Variants in SLC39A12 observed in about 807,000 individuals in gnomAD.
SLC39A12 encodes the protein zinc transporter ZIP12.
In SLC39A12, 63 loss-of-function variants were observed where a neutral mutation model predicts 71.1. That is an observed-to-expected ratio of 0.89 (90% CI 0.72 to 1.09). The LOEUF (loss-of-function observed/expected upper bound fraction) is 1.09, where lower values mean the gene tolerates loss of function less well. SLC39A12 is among the 50% of genes least tolerant of loss of function. SLC39A12 has a pLI of 0.00. For missense variants in SLC39A12, 892 were observed against 812.6 expected, an observed-to-expected ratio of 1.10 and a Z score of -1.19; for synonymous variants, 351 against 301.3, an observed-to-expected ratio of 1.16 and a Z score of -1.71.
Position 18,003,357 on chromosome 10 carries a change from T to C in SLC39A12, c.1946T>C (p.Met649Thr), listed in dbSNP as rs376250873. 6.9e-6 allele frequency: 11 copies of C among 1,604,548 alleles called. No homozygotes were observed. In the African/African-American group the frequency reaches 1.3e-4, roughly 20 times the overall value. ...GMFLYLSLVE[M>T]LPEMTHVQTQ... ...TTCTTATATTTATCCTTGGTTGAAA[T>C]GGTAAGCTTGGTGGCTTTTCTATTT... Residue 649 changes from methionine to threonine, a missense_variant and splice_region_variant, in exon 12 of 13, where the codon ATG (methionine) becomes ACG (threonine). Coordinates refer to ENST00000377369, the MANE Select transcript of SLC39A12 (RefSeq NM_001145195.2).
In SLC39A12 at chr10:17,953,171, A is replaced by G; in HGVS notation, c.-86-20A>G. The G allele has an allele frequency of 2.9e-6, 4 of 1,399,604 alleles. No individual in the cohort carries two copies. The highest frequency in any genetic ancestry group is 1.4e-5 in the South Asian group (1 of 71,924). 86.7% of individuals were successfully genotyped at this position (1,399,604 alleles called of 1,614,324 possible). ...TGCAGGCACAATAATTGAAGGCTTT[A>G]TTTTTCCCCTTTACCACAGAAATTC... On this transcript the variant is annotated intron_variant, in intron 1 of 12. Coordinates refer to ENST00000377369, the MANE Select transcript of SLC39A12 (RefSeq NM_001145195.2).
chr10:17,959,569 C>T (rs1430394593), intron 2 of SLC39A12, among the ~76,000 whole-genome samples: 2 of 152,130 alleles, frequency 1.3e-5, no homozygotes, highest in East Asian at 3.9e-4. Context: ...ATATCCCCAC[C>T]ATGGGACAAA....
chr10:18,026,655 A>G (rs1258164951), intron 12 of SLC39A12, among the ~76,000 whole-genome samples: 1 of 151,954 alleles, frequency 6.6e-6, no homozygotes, highest in African/African-American at 2.4e-5. Context: ...CTAATATGTT[A>G]TGCCTTTTGT....
intron 12 of SLC39A12, among the ~76,000 whole-genome samples, chr10:18,009,075 T>G (rs1450963841): frequency 6.6e-6 from 1 of 152,136 alleles, no homozygotes; most frequent in African/African-American, 2.4e-5. Flanking sequence ...ATTAAAAAAA[T>G]GTAAATGGGT....
chr10:17,979,434 C>G (rs1835198732), intron 5 of SLC39A12, among the ~76,000 whole-genome samples: 1 of 152,176 alleles, frequency 6.6e-6, no homozygotes, highest in Non-Finnish European at 1.5e-5. Context: ...CTTCTTGTTT[C>G]TCTCTCCATT....
chr10:18,037,078 T>A (rs1837072834), intron 12 of SLC39A12, among the ~76,000 whole-genome samples: 1 of 151,922 alleles, frequency 6.6e-6, no homozygotes, highest in South Asian at 2.1e-4. Context: ...TGAGCCACCA[T>A]GCCCAGCCTA....
chr10:18,040,763 C>G (rs1837201435), intron 12 of SLC39A12, among the ~76,000 whole-genome samples: 1 of 141,138 alleles, frequency 7.1e-6, no homozygotes, highest in African/African-American at 2.8e-5. Context: ...GAGTGAAACT[C>G]CATCTCAAAA....
intron 10 of SLC39A12, among the ~76,000 whole-genome samples, chr10:17,997,997 C>G (rs1835732586): frequency 6.6e-6 from 1 of 152,102 alleles, no homozygotes; most frequent in Admixed American, 6.5e-5. Flanking sequence ...TTATCTTCCA[C>G]TAAATAATTT....
chr10:18,033,456 C>T (rs1589258780), intron 12 of SLC39A12, among the ~76,000 whole-genome samples: 1 of 151,050 alleles, frequency 6.6e-6, no homozygotes, highest in African/African-American at 2.4e-5. Flanking sequence ...TTGTAGTATC[C>T]TCTGACGGTA....
intron 12 of SLC39A12, among the ~76,000 whole-genome samples, chr10:18,024,226 G>A (rs1156835537): frequency 6.6e-6 from 1 of 152,078 alleles, no homozygotes; most frequent in Non-Finnish European, 1.5e-5. Context: ...AGAGAGCCTG[G>A]CTTCCCTTCT....
At chr10:18,006,971 G>A (rs1033985478) in intron 12 of SLC39A12, among the ~76,000 whole-genome samples, 3 of 152,192 alleles carry the variant, frequency 2.0e-5, no homozygotes, top group Non-Finnish European at 4.4e-5. Flanking sequence ...ATCTGAAATA[G>A]CACACGTGTG....
At chr10:18,003,634 G>A (rs1211227153) in intron 12 of SLC39A12, among the ~76,000 whole-genome samples, 1 of 152,178 alleles carries the variant, frequency 6.6e-6, no homozygotes, top group Non-Finnish European at 1.5e-5. Context: ...GTGATTTTAA[G>A]TGGAAAGAAT....
intron 12 of SLC39A12, among the ~76,000 whole-genome samples, chr10:18,036,799 T>A (rs1837060795): frequency 1.8e-5 from 2 of 113,198 alleles, no homozygotes; most frequent in African/African-American, 3.5e-5. Context: ...TATATATTTT[T>A]TTTTTTAATG....
intron 8 of SLC39A12, among the ~76,000 whole-genome samples, chr10:17,992,088 C>CAAAAAAAAAAAA (rs59014549): frequency 1.1e-4 from 10 of 87,216 alleles, no homozygotes; most frequent in African/African-American, 2.3e-4. Flanking sequence ...GACTCCATCT[C>CAAAAAAAAAAAA]AAAAAAAAAA....
intron 10 of SLC39A12, among the ~76,000 whole-genome samples, chr10:18,000,076 A>G (rs988666864): frequency 4.6e-5 from 7 of 152,206 alleles, no homozygotes; most frequent in African/African-American, 1.4e-4. Context: ...CCTGGAGCCT[A>G]GAAGTCCAAG....
At position 17,953,190 on chromosome 10, in the gene SLC39A12, G is replaced by A. The variant is rs1339733741; in HGVS notation, c.-86-1G>A. The A allele has an allele frequency of 2.0e-6, 3 of 1,489,986 alleles. No homozygotes were observed. The highest frequency in any genetic ancestry group is 2.7e-6 in the Non-Finnish European group (3 of 1,106,830). 92.3% of individuals were successfully genotyped at this position (1,489,986 alleles called of 1,614,324 possible). A position where few individuals can be genotyped will look rare whatever the true frequency, so the allele number is the denominator to read the frequency against. ...GGCTTTATTTTTCCCCTTTACCACA[G>A]AAATTCCTTTGGTTACAAGTTTACC... On this transcript the variant is annotated splice_acceptor_variant, in intron 1 of 12. Transcript: ENST00000377369. LOFTEE classifies it low-confidence loss of function (5UTR_SPLICE).
intron 12 of SLC39A12, among the ~76,000 whole-genome samples, chr10:18,035,796 T>C (rs1836988912): frequency 6.6e-6 from 1 of 152,232 alleles, no homozygotes; most frequent in African/African-American, 2.4e-5. Context: ...CTTTTGGTCT[T>C]TGATGATGGT....
At chr10:17,991,976 G>T (rs1219768644) in intron 8 of SLC39A12, among the ~76,000 whole-genome samples, 1 of 150,784 alleles carries the variant, frequency 6.6e-6, no homozygotes, top group Non-Finnish European at 1.5e-5. Context: ...GTAATCCCAG[G>T]TACTAGGGAG....
At chr10:18,039,775 T>G (rs1409203661) in intron 12 of SLC39A12, among the ~76,000 whole-genome samples, 1 of 152,162 alleles carries the variant, frequency 6.6e-6, no homozygotes, top group Non-Finnish European at 1.5e-5. Flanking sequence ...TGTACCTTGT[T>G]AATCCCTCAA....
Sources: allele counts gnomAD v4.1 joint callset (sites outside exome capture counted in the v4.1 genomes callset), GRCh38; gene constraint gnomAD v4.1.1; transcripts MANE v1.5; gene names NCBI Gene and HGNC (gene_info 2026-07-23, HGNC 2026-07-21).